Variants in OTOG observed in about 807,000 individuals in gnomAD.
OTOG encodes otogelin.
OTOG carries 296 observed loss-of-function variants against 313.8 expected under a neutral mutation model. The ratio of observed to expected loss-of-function variants is 0.94; its 90% confidence interval spans 0.86 to 1.04. The LOEUF is 1.04. OTOG is among the 50% of genes least tolerant of loss of function. The probability of loss-of-function intolerance (pLI) is 0.00; values close to 1 mark genes in which losing one functional copy is unlikely to be tolerated. For missense variants in OTOG, 3,948 were observed against 3,840.1 expected, an observed-to-expected ratio of 1.03 and a Z score of -0.74; for synonymous variants, 1,533 against 1,554.9, an observed-to-expected ratio of 0.99 and a Z score of 0.33.
chr11:17,583,278 G>C (rs976252189), intron 23 of OTOG, among the ~76,000 whole-genome samples: 3 of 152,068 alleles, frequency 2.0e-5, no homozygotes, highest in Admixed American at 6.5e-5. Context: ...AAGACTACAG[G>C]TGTGCACCAC....
chr11:17,635,268 G>A, intron 46 of OTOG, 81 bp downstream of exon 46: 1 of 1,181,934 alleles, frequency 8.5e-7, no homozygotes, highest in Non-Finnish European at 1.2e-6. Flanking sequence ...TGGGCAGCTG[G>A]GAGGAAAGGC....
At chr11:17,615,480 A>G (rs1232461205) in intron 39 of OTOG, among the ~76,000 whole-genome samples, 2 of 152,142 alleles carry the variant, frequency 1.3e-5, no homozygotes, top group African/African-American at 4.8e-5. Context: ...AGTTTTAGGT[A>G]TTACTTTTAT....
At chr11:17,642,803 C>T (rs185393056) in intron 53 of OTOG, among the ~76,000 whole-genome samples, 20 of 152,120 alleles carry the variant, frequency 1.3e-4, no homozygotes, top group Admixed American at 2.6e-4. Flanking sequence ...TGAAGATTTC[C>T]GACTCTTCCC....
In OTOG at chr11:17,633,696, C is replaced by A; in HGVS notation, c.7089C>A (p.Ser2363Arg). 6.5e-7 allele frequency: 1 copy of A among 1,539,650 alleles called. No homozygotes were observed. Among genetic ancestry groups the A allele is most frequent in the South Asian group, 1.2e-5 (1 of 81,948 alleles). The change falls in exon 43 of 56, where the codon AGC (serine) becomes AGA (arginine). Residue 2363 changes from serine (S) to arginine (R), a missense_variant. By Grantham distance (110) the Ser-to-Arg change is moderately radical. Transcript: ENST00000399397. ...CCCCTGCAGCCTTCCTGTGCTCCAG[C>A]GACTCCACATACCAGGCATGTGTGA... ...RSDYCPFLCSSDSTYQACVTA... is the reference protein window; with the variant it reads ...RSDYCPFLCSRDSTYQACVTA...
chr11:17,570,163 G>A (rs1171847651), intron 16 of OTOG, 50 bp from the exon 17 acceptor site: 17 of 1,489,670 alleles, frequency 1.1e-5, no homozygotes, highest in Non-Finnish European at 1.6e-5. Flanking sequence ...TGGTGGGCGG[G>A]GTGTGTACTG....
At chr11:17,645,183 A>T (rs914679904) in intron 54 of OTOG, among the ~76,000 whole-genome samples, 8 of 152,218 alleles carry the variant, frequency 5.3e-5, no homozygotes, top group African/African-American at 1.9e-4. Context: ...CCCTCTCAGG[A>T]TGGGAAAACT....
At chr11:17,567,775 C>T (rs1852318054) in intron 15 of OTOG, among the ~76,000 whole-genome samples, 1 of 152,118 alleles carries the variant, frequency 6.6e-6, no homozygotes. Flanking sequence ...TGGATGTCTC[C>T]TTCTTCTTCT....
chr11:17,638,869 G>C (rs551516999), intron 48 of OTOG: 7 of 1,138,440 alleles, frequency 6.1e-6, no homozygotes, highest in Non-Finnish European at 8.4e-6. Context: ...AGGCCAAGGC[G>C]GGTGGATCAT....
chr11:17,570,375 C>G lies in OTOG; in HGVS notation c.1940C>G (p.Thr647Arg), dbSNP rs7112749. 1 of 1,550,212 alleles carries G rather than the reference C, an allele frequency of 6.5e-7. No individual in the cohort carries two copies. The highest frequency in any genetic ancestry group is 2.0e-5 in the Admixed American group (1 of 50,968). Residue 647 changes from threonine (T) to arginine (R), a missense_variant, in exon 17 of 56, where the codon ACG becomes AGG. Physicochemically the swap from Thr to Arg is moderately conservative, Grantham distance 71. Transcript: ENST00000399397. ...VGLCGTFNGNTQDDFLSPVGV... is the reference protein window; with the variant it reads ...VGLCGTFNGNRQDDFLSPVGV... ...CTCTGCGGCACCTTCAATGGCAACA[C>G]GCAGGATGACTTCCTGTACGTAGCC...
intron 34 of OTOG, among the ~76,000 whole-genome samples, chr11:17,608,626 G>A (rs115788010): frequency 0.01 from 1,555 of 152,360 alleles, 34 homozygotes; most frequent in African/African-American, 0.036. Flanking sequence ...GCGTGTGTTT[G>A]TGCGTGTACT....
chr11:17,572,214 T>C lies in OTOG; in HGVS notation c.2080+10T>C, dbSNP rs750928838. ...GTGCACCTGCAAGCCGGTGAGTTGG[T>C]GGGGGAAGAGGAGAGGCATGGTTGA... On this transcript the variant is annotated intron_variant, in intron 18 of 55. Transcript: ENST00000399397. 2 of 1,550,078 alleles carry C rather than the reference T, an allele frequency of 1.3e-6. No homozygotes were observed. Among genetic ancestry groups the C allele is most frequent in the South Asian group, 2.4e-5 (2 of 83,990 alleles).
chr11:17,604,405 A>G (rs1853331287), intron 32 of OTOG, among the ~76,000 whole-genome samples: 1 of 152,134 alleles, frequency 6.6e-6, no homozygotes, highest in African/African-American at 2.4e-5. Flanking sequence ...TGGGGCTGGG[A>G]CTCAGTGCCC....
At chr11:17,597,935 A>C (rs2134068348) in intron 30 of OTOG, among the ~76,000 whole-genome samples, 1 of 152,324 alleles carries the variant, frequency 6.6e-6, no homozygotes, top group South Asian at 2.1e-4. Context: ...TCTACCTTGT[A>C]GGGTACTGTG....
chr11:17,586,840 ATTTG>A (rs936599232), intron 24 of OTOG, among the ~76,000 whole-genome samples: 2 of 152,220 alleles, frequency 1.3e-5, no homozygotes, highest in Admixed American at 6.5e-5. Context: ...AACCATGGCA[ATTTG>A]TTTGCATATT....
In OTOG at chr11:17,597,832, G is replaced by C. The variant is rs116446062; in HGVS notation, c.3682+825G>C. On this transcript the variant is annotated intron_variant, in intron 30 of 55. Transcript: ENST00000399397. ...CTTGCGCTCTGGGGTCAGACTGACT[G>C]AGTTTGGCCCCAAGCTCCACTGAGT... Among the ~76,000 whole-genome samples the C allele has an allele frequency of 8.2e-3, 1,247 of 152,356 alleles. 14 individuals carry two copies. The highest frequency in any genetic ancestry group is 0.019 in the African/African-American group (798 of 41,586).
rs1179134746 is a variant in OTOG, at chr11:17,609,222, G to T, written c.4354+13G>T. On this transcript the variant is annotated intron_variant, in intron 35 of 55. Coordinates refer to ENST00000399397, the MANE Select transcript of OTOG (RefSeq NM_001292063.2). The stretch of plus-strand genomic sequence containing the variant: ...TACTTGGAGGACTGTAAGTGGCCCA[G>T]ACTTCTCATCCTTCCCTCAGATTTC... The T allele has an allele frequency of 6.5e-7, 1 of 1,548,154 alleles. No individual in the cohort carries two copies. Among genetic ancestry groups the T allele is most frequent in the Admixed American group, 2.0e-5 (1 of 50,978 alleles).
At chr11:17,550,481 G>A (rs2214944) in intron 3 of OTOG, among the ~76,000 whole-genome samples, 83,365 of 152,024 alleles carry the variant, frequency 0.55, 23,016 homozygotes, top group African/African-American at 0.6. Context: ...GATTAAGAGC[G>A]CCTGATTGAT....
At chr11:17,575,055 T>A in intron 20 of OTOG, 143 bp downstream of exon 20, 1 of 822,442 alleles carries the variant, frequency 1.2e-6, no homozygotes, top group Non-Finnish European at 1.8e-6. Flanking sequence ...GTGGGTAAGG[T>A]GGGTGGGCTC....
chr11:17,569,097 G>A, intron 15 of OTOG, 59 bp from the exon 16 acceptor site: 1 of 1,544,214 alleles, frequency 6.5e-7, no homozygotes, highest in Non-Finnish European at 8.8e-7. Context: ...AGAGGGCTCT[G>A]TTGTATCCAG....
Sources: allele counts gnomAD v4.1 joint callset (sites outside exome capture counted in the v4.1 genomes callset), GRCh38; gene constraint gnomAD v4.1.1; transcripts MANE v1.5; gene names NCBI Gene and HGNC (gene_info 2026-07-23, HGNC 2026-07-21).